Variants in SELENOI observed in about 807,000 individuals in gnomAD.
SELENOI encodes selenoprotein I, also known as ethanolaminephosphotransferase 1.
Under a neutral mutation model 50.7 loss-of-function variants are expected in SELENOI, and 24 were observed. The observed-to-expected ratio is 0.47, with a 90% CI of 0.34 to 0.67. The LOEUF (loss-of-function observed/expected upper bound fraction) is 0.67. SELENOI is among the 30% of genes least tolerant of loss of function. The pLI, the probability that SELENOI is intolerant of heterozygous loss-of-function variation, is 0.01. For missense variants in SELENOI, 352 were observed against 461.4 expected, an observed-to-expected ratio of 0.76 and a Z score of 2.17; for synonymous variants, 155 against 170.2, an observed-to-expected ratio of 0.91 and a Z score of 0.70.
At chr2:26,381,228 T>A (rs1358701173) in intron 6 of SELENOI, among the ~76,000 whole-genome samples, 6 of 105,208 alleles carry the variant, frequency 5.7e-5, no homozygotes, top group Non-Finnish European at 1.0e-4. Context: ...TTTTTTTTTT[T>A]TACAAATTCT....
At chr2:26,384,597 G>A (rs961100403) in intron 7 of SELENOI, among the ~76,000 whole-genome samples, 2 of 152,068 alleles carry the variant, frequency 1.3e-5, no homozygotes, top group Admixed American at 1.3e-4. Flanking sequence ...AGTATTTTAT[G>A]TTCATCTTAT....
chr2:26,395,738 C>T lies in SELENOI; in HGVS notation c.*6635C>T, dbSNP rs892801923. The T allele has an allele frequency of 6.6e-6, 1 of 152,598 alleles. No homozygotes were observed. The highest frequency in any genetic ancestry group is 1.5e-5 in the Non-Finnish European group (1 of 68,040). The allele number at this position is 152,598 out of a possible 1,614,324, so 9.5% of individuals were successfully genotyped here. The stretch of plus-strand genomic sequence containing the variant: ...TTTCTTGTCACTGGATTCTGGAAGC[C>T]TTGCCCTTTCAACTGGATTTATGTT... On this transcript the variant is annotated 3_prime_UTR_variant, in exon 10 of 10. Transcript: ENST00000260585.
intron 9 of SELENOI, 74 bp downstream of exon 9, chr2:26,386,610 G>A (rs1677849706): frequency 8.0e-7 from 1 of 1,253,312 alleles, no homozygotes; most frequent in Non-Finnish European, 1.1e-6. Context: ...CGAGTAGAAA[G>A]GAGGCAATGG....
intron 9 of SELENOI, among the ~76,000 whole-genome samples, chr2:26,387,448 TGA>T (rs572298240): frequency 1.3e-4 from 20 of 152,108 alleles, no homozygotes; most frequent in Admixed American, 1.2e-3. Context: ...CCTAGCCCTT[TGA>T]GAGGCTGAGG....
Position 26,389,632 on chromosome 2 carries a change from G to T in SELENOI, c.*529G>T. 1 of 153,694 alleles carries T rather than the reference G, an allele frequency of 6.5e-6. No individual in the cohort carries two copies. The highest frequency in any genetic ancestry group is 1.5e-5 in the Non-Finnish European group (1 of 68,696). 9.5% of individuals were successfully genotyped at this position (153,694 alleles called of 1,614,324 possible). A position where few individuals can be genotyped will look rare whatever the true frequency, so the allele number is the denominator to read the frequency against. ...ACTGGTTTCTCTTTCCCCTGAAAAT[G>T]GCTTTTGTTCTCAAATGATAAGAGA... is the stretch of plus-strand genomic sequence containing the variant. On this transcript the variant is annotated 3_prime_UTR_variant, in exon 10 of 10. Coordinates refer to ENST00000260585, the MANE Select transcript of SELENOI (RefSeq NM_033505.4).
At chr2:26,370,731 G>T (rs113760435) in intron 4 of SELENOI, among the ~76,000 whole-genome samples, 8 of 139,156 alleles carry the variant, frequency 5.7e-5, no homozygotes, top group Admixed American at 2.1e-4. Flanking sequence ...GCGGCTGGCC[G>T]GGCGGGGGGC....
intron 7 of SELENOI, among the ~76,000 whole-genome samples, chr2:26,384,253 T>C (rs1349827573): frequency 6.6e-6 from 1 of 152,242 alleles, no homozygotes; most frequent in Non-Finnish European, 1.5e-5. Context: ...ATTAATCTTC[T>C]TCATTTATTT....
chr2:26,388,968 C>T, intron 9 of SELENOI, 37 bp from the exon 10 acceptor site: 1 of 1,437,602 alleles, frequency 7.0e-7, no homozygotes, highest in South Asian at 1.2e-5. Context: ...CAATAAGGTA[C>T]ATATTTGTCA....
intron 6 of SELENOI, among the ~76,000 whole-genome samples, chr2:26,381,342 G>A (rs769179085): frequency 4.0e-5 from 6 of 148,742 alleles, no homozygotes; most frequent in African/African-American, 2.5e-5. Flanking sequence ...CTCTATCACT[G>A]TTCTCTACTT....
At chr2:26,381,145 A>T (rs1677686444) in intron 6 of SELENOI, among the ~76,000 whole-genome samples, 1 of 141,546 alleles carries the variant, frequency 7.1e-6, no homozygotes, top group Non-Finnish European at 1.5e-5. Context: ...GTGAGGAATG[A>T]AAATATTTTT....
intron 6 of SELENOI, among the ~76,000 whole-genome samples, chr2:26,376,108 A>T (rs956285019): frequency 6.6e-6 from 1 of 151,464 alleles, no homozygotes; most frequent in South Asian, 2.1e-4. Context: ...AAAAAAAAAA[A>T]AGAATAAATA....
In SELENOI at chr2:26,364,851, C is replaced by G. The variant is rs765844493; in HGVS notation, c.146C>G (p.Ala49Gly). 1 of 1,608,768 alleles carries G rather than the reference C, an allele frequency of 6.2e-7. No homozygotes were observed. Among genetic ancestry groups the G allele is most frequent in the South Asian group, 1.1e-5 (1 of 89,456 alleles). Residue 49 changes from alanine to glycine, a missense_variant, in exon 3 of 10, where the codon GCG becomes GGG. Transcript: ENST00000260585. ...AAATAGGTATTTCCTACTTGGCTGG[C>G]GCCCAATCTGATAACTTTTTCTGGC... ...TIVKVFPTWL[A>G]PNLITFSGFL...
Position 26,389,225 on chromosome 2 carries a change from C to T in SELENOI, c.*122C>T. 1 of 731,834 alleles carries T rather than the reference C, an allele frequency of 1.4e-6. No individual in the cohort carries two copies. Among genetic ancestry groups the T allele is most frequent in the South Asian group, 1.8e-5 (1 of 54,514 alleles). The allele number at this position is 731,834 out of a possible 1,614,324, so 45.3% of individuals were successfully genotyped here. ...GGATCTCAGTATGGTACTTGGACAG[C>T]AGGAATGATACATATAATCTGAACT... On this transcript the variant is annotated 3_prime_UTR_variant, in exon 10 of 10. Coordinates refer to ENST00000260585, the MANE Select transcript of SELENOI (RefSeq NM_033505.4).
At chr2:26,364,686 TATC>T (rs1281027456) in intron 2 of SELENOI, 143 bp from the exon 3 acceptor site, 16 of 594,978 alleles carry the variant, frequency 2.7e-5, no homozygotes, top group Non-Finnish European at 4.6e-5. Context: ...TGATGGAGAT[TATC>T]GTTTACGTGT....
intron 4 of SELENOI, among the ~76,000 whole-genome samples, chr2:26,370,273 C>T (rs530826560): frequency 2.6e-5 from 4 of 151,840 alleles, no homozygotes; most frequent in South Asian, 2.1e-4. Flanking sequence ...TACACAGACA[C>T]GGCAACCATC....
intron 1 of SELENOI, among the ~76,000 whole-genome samples, chr2:26,351,205 C>T (rs576133864): frequency 6.6e-5 from 10 of 152,154 alleles, no homozygotes; most frequent in African/African-American, 1.9e-4. Context: ...ATTACAGGCA[C>T]GCACCACCAC....
intron 1 of SELENOI, among the ~76,000 whole-genome samples, chr2:26,363,948 G>A (rs974430790): frequency 2.0e-5 from 3 of 152,048 alleles, no homozygotes; most frequent in Non-Finnish European, 4.4e-5. Flanking sequence ...CACCACGTTG[G>A]CCAGGCTGAT....
At chr2:26,384,000 A>T (rs1157120572) in intron 7 of SELENOI, among the ~76,000 whole-genome samples, 1 of 152,230 alleles carries the variant, frequency 6.6e-6, no homozygotes, top group Non-Finnish European at 1.5e-5. Flanking sequence ...TGCGGGGAGA[A>T]GGGAGATGCT....
intron 1 of SELENOI, among the ~76,000 whole-genome samples, chr2:26,348,186 C>G (rs1354282385): frequency 6.6e-6 from 1 of 152,094 alleles, no homozygotes; most frequent in African/African-American, 2.4e-5. Flanking sequence ...TTTTTCTTAT[C>G]GTTGCGTTCC....
Sources: gnomAD v4.1 joint callset for allele counts (sites outside exome capture counted in the v4.1 genomes callset) on GRCh38, gnomAD v4.1.1 for gene constraint, MANE v1.5 for transcripts, NCBI Gene and HGNC (gene_info 2026-07-23, HGNC 2026-07-21) for gene names.